Variants in WBP4 observed in about 807,000 individuals in gnomAD.
The protein encoded by WBP4 is WW domain binding protein 4, also known as WW domain-binding protein 4.
WBP4 carries 37 observed loss-of-function variants against 55.4 expected under a neutral mutation model. The observed-to-expected ratio is 0.67, with a 90% CI of 0.51 to 0.88. The LOEUF (loss-of-function observed/expected upper bound fraction) is 0.88, where lower values mean the gene tolerates loss of function less well. Ranked by LOEUF, WBP4 falls within the 40% of genes least tolerant of loss-of-function variation. WBP4 has a pLI of 0.00. For synonymous variants in WBP4, 142 were observed against 140.2 expected, an observed-to-expected ratio of 1.01 and a Z score of -0.09; for missense variants, 398 against 420.8, an observed-to-expected ratio of 0.95 and a Z score of 0.47.
At chr13:41,065,861 G>A (rs1029168843) in intron 4 of WBP4, among the ~76,000 whole-genome samples, 1 of 152,166 alleles carries the variant, frequency 6.6e-6, no homozygotes, top group African/African-American at 2.4e-5. Context: ...GGAAGGTTTT[G>A]TGAATAATTC....
At position 41,071,994 on chromosome 13, in the gene WBP4, C is replaced by T. The variant is rs573137171; in HGVS notation, c.486+421C>T. Among the ~76,000 whole-genome samples, 19 of 146,832 alleles carry T rather than the reference C, an allele frequency of 1.3e-4. No individual in the cohort carries two copies. The South Asian group carries it at 1.5e-3, about 12-fold the overall frequency. ...GGGGCGGCAGAGGTTAACAGTGAGC[C>T]GAGATTGCACCACCGCACTCCAGCC... On this transcript the variant is annotated intron_variant, in intron 6 of 9. Coordinates refer to ENST00000379487, the MANE Select transcript of WBP4 (RefSeq NM_007187.5).
Position 41,064,999 on chromosome 13 carries a change from C to T in WBP4, c.76-17C>T. 2 of 1,532,138 alleles carry T rather than the reference C, an allele frequency of 1.3e-6. No individual in the cohort carries two copies. Among genetic ancestry groups the T allele is most frequent in the South Asian group, 1.3e-5 (1 of 76,302 alleles). The allele number at this position is 1,532,138 out of a possible 1,614,324, so 94.9% of individuals were successfully genotyped here. ...TTATGTAGTTTTCTTTTGTTATTTT[C>T]TCTTTTCATTTTCAAGAGTGTTGAA... On this transcript the variant is annotated splice_polypyrimidine_tract_variant and intron_variant, in intron 2 of 9. Transcript: ENST00000379487.
At chr13:41,062,293 T>G (rs756916419) in intron 1 of WBP4, 2 of 984,656 alleles carry the variant, frequency 2.0e-6, no homozygotes, top group East Asian at 2.3e-4. Context: ...CTTTATGAGT[T>G]TCTTCAGGTT....
Position 41,083,009 on chromosome 13 carries a change from A to T in WBP4, c.*95A>T, listed in dbSNP as rs1321650736. ...TTTGTTTGTAAGTATTATGATGCTA[A>T]AAATTTAGATTTATTCTAAATGTAT... is the stretch of plus-strand genomic sequence containing the variant. On this transcript the variant is annotated 3_prime_UTR_variant, in exon 10 of 10. Transcript: ENST00000379487. 2 of 1,117,810 alleles carry T rather than the reference A, an allele frequency of 1.8e-6. No individual in the cohort carries two copies. Among genetic ancestry groups the T allele is most frequent in the African/African-American group, 3.2e-5 (2 of 62,872 alleles). The allele number at this position is 1,117,810 out of a possible 1,614,324, so 69.2% of individuals were successfully genotyped here. A position where few individuals can be genotyped will look rare whatever the true frequency, so the allele number is the denominator to read the frequency against.
At chr13:41,062,741 T>G in intron 2 of WBP4, 25 bp downstream of exon 2, 1 of 1,589,478 alleles carries the variant, frequency 6.3e-7, no homozygotes, top group Non-Finnish European at 8.6e-7. Context: ...CTGTTAGAGA[T>G]TCTAATAATA....
Position 41,065,289 on chromosome 13 carries a change from T to TAAAAA in WBP4, c.262+19_262+23dup, listed in dbSNP as rs58699334. ...TGAAAAGACTTGGCTTAGAGTCAGGTAAAAAAAAAAAAAAAAAAAAAGCAG... is the reference window on the plus strand; with the variant it reads ...TGAAAAGACTTGGCTTAGAGTCAGGTAAAAAAAAAAAAAAAAAAAAAAAAAAGCAG... On this transcript the variant is annotated splice_region_variant and intron_variant, in intron 4 of 9. Transcript: ENST00000379487. 169 of 1,263,748 alleles carry TAAAAA rather than the reference T, an allele frequency of 1.3e-4. No individual in the cohort carries two copies. The highest frequency in any genetic ancestry group is 4.5e-4 in the South Asian group (25 of 55,774). The allele number at this position is 1,263,748 out of a possible 1,614,324, so 78.3% of individuals were successfully genotyped here.
At chr13:41,075,291 C>G (rs1437629353) in intron 7 of WBP4, among the ~76,000 whole-genome samples, 1 of 152,152 alleles carries the variant, frequency 6.6e-6, no homozygotes, top group Non-Finnish European at 1.5e-5. Context: ...TTGCTGCCCC[C>G]CCACCCACCA....
intron 4 of WBP4, among the ~76,000 whole-genome samples, chr13:41,066,256 T>G (rs1877969514): frequency 6.6e-6 from 1 of 152,194 alleles, no homozygotes; most frequent in African/African-American, 2.4e-5. Flanking sequence ...GCAAATAAAT[T>G]TTACCATTTT....
At chr13:41,072,436 A>G (rs1327403111) in intron 6 of WBP4, among the ~76,000 whole-genome samples, 3 of 152,250 alleles carry the variant, frequency 2.0e-5, no homozygotes, top group Non-Finnish European at 4.4e-5. Flanking sequence ...CAGAAGGCCA[A>G]GGGAAAACAG....
Position 41,068,748 on chromosome 13 carries a change from TA to T in WBP4, c.439+12del. On this transcript the variant is annotated intron_variant, in intron 5 of 9. Transcript: ENST00000379487. ...ATCTTATCTCAGGAGGTAAGTCATT[TA>T]GGCATAAAACTGGTAAAGAACAGTG... The T allele has an allele frequency of 6.4e-7, 1 of 1,558,876 alleles. No homozygotes were observed. The highest frequency in any genetic ancestry group is 8.7e-7 in the Non-Finnish European group (1 of 1,154,318).
At chr13:41,077,599 A>G (rs1664501237) in intron 8 of WBP4, among the ~76,000 whole-genome samples, 1 of 152,016 alleles carries the variant, frequency 6.6e-6, no homozygotes, top group Admixed American at 6.6e-5. Context: ...CACTTCAACC[A>G]CTCCTTTTCA....
chr13:41,062,691 A>G lies in WBP4; in HGVS notation c.50A>G (p.Lys17Arg). The change falls in exon 2 of 10, where the codon AAG becomes AGG. Residue 17 changes from lysine to arginine, a missense_variant. Coordinates refer to ENST00000379487, the MANE Select transcript of WBP4 (RefSeq NM_007187.5). ...CCAAAGAAATTCTGTGATTACTGCA[A>G]GTGCTGGATAGCAGACAATAGGCCT... ...SQPKKFCDYC[K>R]CWIADNRPSV... The G allele has an allele frequency of 6.2e-7, 1 of 1,613,756 alleles. No individual in the cohort carries two copies. The highest frequency in any genetic ancestry group is 8.5e-7 in the Non-Finnish European group (1 of 1,179,764).
At chr13:41,078,287 G>A (rs1330745061) in intron 8 of WBP4, among the ~76,000 whole-genome samples, 2 of 152,150 alleles carry the variant, frequency 1.3e-5, no homozygotes, top group Admixed American at 1.3e-4. Context: ...CTGGCATAAA[G>A]ATAGGCACAT....
At chr13:41,071,065 C>T (rs551982366) in intron 5 of WBP4, among the ~76,000 whole-genome samples, 29 of 152,230 alleles carry the variant, frequency 1.9e-4, no homozygotes, top group African/African-American at 6.7e-4. Flanking sequence ...TTCTCCCTTC[C>T]AATGCTTATT....
At chr13:41,065,969 C>T (rs1593425468) in intron 4 of WBP4, among the ~76,000 whole-genome samples, 1 of 152,116 alleles carries the variant, frequency 6.6e-6, no homozygotes, top group African/African-American at 2.4e-5. Flanking sequence ...GATGGTATTC[C>T]TCTAATAAAA....
chr13:41,064,871 C>T, intron 2 of WBP4, 145 bp from the exon 3 acceptor site: 1 of 736,150 alleles, frequency 1.4e-6, no homozygotes, highest in South Asian at 2.2e-5. Flanking sequence ...TTAAAAGGGC[C>T]AATTTGCATT....
Position 41,076,049 on chromosome 13 carries a change from A to G in WBP4, c.568A>G (p.Arg190Gly), listed in dbSNP as rs1878465494. The G allele has an allele frequency of 1.9e-6, 3 of 1,611,940 alleles. No homozygotes were observed. The highest frequency in any genetic ancestry group is 4.5e-5 in the East Asian group (2 of 44,858). ...CTTTAAAATGTGTTGAGCAGAATCC[A>G]GATGGGAGAAACCTGATGATTTCAT... ...YYYNTETGES[R>G]WEKPDDFIPH... The change falls in exon 8 of 10, where the codon AGA becomes GGA. Residue 190 changes from arginine to glycine, a missense_variant. Coordinates refer to ENST00000379487, the MANE Select transcript of WBP4 (RefSeq NM_007187.5).
chr13:41,065,792 G>T (rs1315650235), intron 4 of WBP4, among the ~76,000 whole-genome samples: 1 of 152,150 alleles, frequency 6.6e-6, no homozygotes, highest in Non-Finnish European at 1.5e-5. Flanking sequence ...AGTTCCAGAT[G>T]AAAGACCTTA....
chr13:41,081,212 A>G (rs1053230397), intron 9 of WBP4, among the ~76,000 whole-genome samples: 2 of 151,946 alleles, frequency 1.3e-5, no homozygotes, highest in Non-Finnish European at 2.9e-5. Flanking sequence ...GAAAAAGTAT[A>G]GCTTGGCTGG....
Sources: gnomAD v4.1 joint callset for allele counts (sites outside exome capture counted in the v4.1 genomes callset) on GRCh38, gnomAD v4.1.1 for gene constraint, MANE v1.5 for transcripts, NCBI Gene and HGNC (gene_info 2026-07-23, HGNC 2026-07-21) for gene names.